The following SAMD3 variants were observed in gnomAD, a reference collection of about 807,000 sequenced individuals.
SAMD3 encodes the protein sterile alpha motif domain containing 3, also known as sterile alpha motif domain-containing protein 3.
A neutral mutation model predicts 58.5 loss-of-function variants in SAMD3; 63 were observed. That is an observed-to-expected ratio of 1.08 (90% CI 0.88 to 1.33). The LOEUF (loss-of-function observed/expected upper bound fraction) is 1.33, where lower values mean the gene tolerates loss of function less well. SAMD3 is among the 40% of genes most tolerant of loss of function. The pLI, the probability that SAMD3 is intolerant of heterozygous loss-of-function variation, is 0.00. For synonymous variants in SAMD3, 220 were observed against 210.3 expected (o/e 1.05, Z -0.40); for missense variants, 604 against 608.4 (o/e 0.99, Z 0.08).
chr6:130,144,925 GACAA>G lies in SAMD3; in HGVS notation c.1279-125_1279-122del, dbSNP rs911304515. On this transcript the variant is annotated intron_variant, in intron 11 of 11. Transcript: ENST00000439090. Reference sequence around the variant, plus strand: ...TGCAATGTAGCATATTTGTAAATATGACAAACATACTTCAAAATAGACCACCAAC... The same window carrying G: ...TGCAATGTAGCATATTTGTAAATATGACATACTTCAAAATAGACCACCAAC... 1.7e-5 allele frequency: 17 copies of G among 994,880 alleles called. No individual in the cohort carries two copies. The African/African-American group carries it at 2.8e-4, about 16-fold the overall frequency. 61.6% of individuals were successfully genotyped at this position (994,880 alleles called of 1,614,324 possible). A position where few individuals can be genotyped will look rare whatever the true frequency, so the allele number is the denominator to read the frequency against.
intron 5 of SAMD3, among the ~76,000 whole-genome samples, chr6:130,185,788 G>A (rs112085500): frequency 1.3e-5 from 2 of 152,038 alleles, no homozygotes; most frequent in African/African-American, 4.8e-5. Context: ...GTGCCACCAT[G>A]CCCAGCCAAT....
chr6:130,229,247 G>C (rs1000159592), intron 2 of SAMD3, among the ~76,000 whole-genome samples: 1 of 152,216 alleles, frequency 6.6e-6, no homozygotes, highest in Non-Finnish European at 1.5e-5. Context: ...GACAGGGACA[G>C]TGGATATTTT....
chr6:130,265,917 CTG>C (rs987444402), intron 2 of SAMD3, among the ~76,000 whole-genome samples: 8 of 152,064 alleles, frequency 5.3e-5, no homozygotes, highest in Non-Finnish European at 5.9e-5. Context: ...TAAATTAAGA[CTG>C]TGTAAAAATA....
At chr6:130,276,993 G>A (rs1351028805) in intron 2 of SAMD3, among the ~76,000 whole-genome samples, 2 of 152,112 alleles carry the variant, frequency 1.3e-5, no homozygotes, top group African/African-American at 4.8e-5. Context: ...GAATGCAAAA[G>A]TCAGAAAAAC....
chr6:130,301,170 T>C lies in SAMD3; in HGVS notation c.-188+11808A>G, dbSNP rs552104101. On this transcript the variant is annotated intron_variant, in intron 2 of 13. Coordinates refer to the SAMD3 transcript ENST00000368134. Reference sequence around the variant, plus strand: ...AAACTCATTCTTTTTTATGGCTGCGTAGTATTTCATGGTGTATATGTGCCA... The same window carrying C: ...AAACTCATTCTTTTTTATGGCTGCGCAGTATTTCATGGTGTATATGTGCCA... Among the ~76,000 whole-genome samples the C allele has an allele frequency of 2.6e-5, 4 of 152,288 alleles. No individual in the cohort carries two copies. In the South Asian group the frequency reaches 8.3e-4, roughly 32 times the overall value.
intron 1 of SAMD3, among the ~76,000 whole-genome samples, chr6:130,362,617 C>T (rs185565291): frequency 4.6e-4 from 70 of 152,262 alleles, no homozygotes; most frequent in Non-Finnish European, 6.6e-4. Flanking sequence ...CTAAATGGTA[C>T]GCTGCCAGTG....
intron 8 of SAMD3, chr6:130,161,048 A>G (rs931233285): frequency 6.6e-6 from 1 of 152,150 alleles, no homozygotes; most frequent in Non-Finnish European, 1.5e-5. Context: ...TATTTTTAAA[A>G]CAGGTGAATG....
chr6:130,292,771 A>G (rs10457550), intron 2 of SAMD3, among the ~76,000 whole-genome samples: 42,355 of 151,766 alleles, frequency 0.28, 6,351 homozygotes, highest in East Asian at 0.45. Context: ...GGCGCCCGTC[A>G]CCACGCCCGG....
intron 1 of SAMD3, among the ~76,000 whole-genome samples, chr6:130,220,065 T>A (rs6922102): frequency 6.6e-6 from 1 of 152,036 alleles, no homozygotes; most frequent in Non-Finnish European, 1.5e-5. Context: ...GCAGTGGCAC[T>A]ATCTCGGCTC....
intron 9 of SAMD3, among the ~76,000 whole-genome samples, 161 bp from the exon 10 acceptor site, chr6:130,146,342 G>A (rs1788625753): frequency 1.3e-5 from 2 of 152,256 alleles, no homozygotes; most frequent in South Asian, 2.1e-4. Context: ...TTAGGATGAG[G>A]GAGGAGAAAA....
chr6:130,154,772 G>A (rs1384480489), intron 9 of SAMD3, 53 bp downstream of exon 9: 3 of 744,112 alleles, frequency 4.0e-6, no homozygotes, highest in South Asian at 2.0e-5. Flanking sequence ...AAATATGTGT[G>A]TGTGTGTATA....
chr6:130,337,527 A>T (rs1777138378), intron 1 of SAMD3, among the ~76,000 whole-genome samples: 1 of 152,238 alleles, frequency 6.6e-6, no homozygotes, highest in South Asian at 2.1e-4. Context: ...ATACCCAAAA[A>T]TGTGGAAGCA....
At chr6:130,179,160 T>A (rs1472427679) in intron 7 of SAMD3, among the ~76,000 whole-genome samples, 1 of 152,162 alleles carries the variant, frequency 6.6e-6, no homozygotes, top group Non-Finnish European at 1.5e-5. Context: ...GCCTCTCCCA[T>A]CTCTCCTTAT....
intron 2 of SAMD3, among the ~76,000 whole-genome samples, chr6:130,253,550 A>G (rs951811222): frequency 6.6e-6 from 1 of 152,160 alleles, no homozygotes; most frequent in Admixed American, 6.5e-5. Flanking sequence ...GACAGTTAAG[A>G]GAACTTGCAT....
intron 1 of SAMD3, among the ~76,000 whole-genome samples, chr6:130,327,572 C>T (rs1314910489): frequency 6.6e-6 from 1 of 152,070 alleles, no homozygotes; most frequent in Non-Finnish European, 1.5e-5. Context: ...ACTTATGCAT[C>T]AAAAAGGTAT....
At chr6:130,196,144 C>G (rs1444748581) in intron 5 of SAMD3, among the ~76,000 whole-genome samples, 1 of 152,178 alleles carries the variant, frequency 6.6e-6, no homozygotes, top group Admixed American at 6.5e-5. Context: ...CTTGACCTTA[C>G]TGTTTTAGGC....
chr6:130,261,716 C>T (rs1269265192), intron 2 of SAMD3, among the ~76,000 whole-genome samples: 2 of 152,252 alleles, frequency 1.3e-5, no homozygotes, highest in Admixed American at 6.5e-5. Context: ...AGTACTATGA[C>T]ACCAGGAAAA....
At chr6:130,345,433 G>T (rs1042355499) in intron 1 of SAMD3, among the ~76,000 whole-genome samples, 3 of 152,208 alleles carry the variant, frequency 2.0e-5, no homozygotes, top group African/African-American at 7.2e-5. Flanking sequence ...TCACCCAGGA[G>T]TGTTTTGGAT....
intron 2 of SAMD3, among the ~76,000 whole-genome samples, chr6:130,293,312 C>T (rs12213950): frequency 0.28 from 42,294 of 151,856 alleles, 6,344 homozygotes; most frequent in East Asian, 0.44. Flanking sequence ...GCTGAGCTTG[C>T]TGTGTATTTG....
Sources: allele counts gnomAD v4.1 joint callset (sites outside exome capture counted in the v4.1 genomes callset), GRCh38; gene constraint gnomAD v4.1.1; transcripts MANE v1.5; gene names NCBI Gene and HGNC (gene_info 2026-07-23, HGNC 2026-07-21).